Variants in GPA33 observed in about 807,000 individuals in gnomAD.
The protein encoded by GPA33 is cell surface A33 antigen.
Under a neutral mutation model 35.6 loss-of-function variants are expected in GPA33, and 27 were observed. That is an observed-to-expected ratio of 0.76 (90% CI 0.56 to 1.04). The LOEUF is 1.04. Ranked by LOEUF, GPA33 falls within the 50% of genes least tolerant of loss-of-function variation. The pLI, the probability that GPA33 is intolerant of heterozygous loss-of-function variation, is 0.00. For synonymous variants in GPA33, 176 were observed against 164.0 expected, an observed-to-expected ratio of 1.07 and a Z score of -0.56; for missense variants, 428 against 411.9, an observed-to-expected ratio of 1.04 and a Z score of -0.34.
intron 4 of GPA33, among the ~76,000 whole-genome samples, 181 bp downstream of exon 4, chr1:167,063,401 C>G (rs1444166751): frequency 1.3e-5 from 2 of 152,204 alleles, no homozygotes; most frequent in African/African-American, 4.8e-5. Context: ...CCTGGCGAGA[C>G]TCTGTCTAAA....
At chr1:167,067,796 GA>G (rs1265807334) in intron 3 of GPA33, among the ~76,000 whole-genome samples, 1 of 151,922 alleles carries the variant, frequency 6.6e-6, no homozygotes, top group African/African-American at 2.4e-5. Context: ...AGGTTAGAAA[GA>G]AAAAACGCAG....
At chr1:167,083,849 T>C (rs1387146064) in intron 1 of GPA33, among the ~76,000 whole-genome samples, 3 of 152,110 alleles carry the variant, frequency 2.0e-5, no homozygotes, top group Non-Finnish European at 2.9e-5. Flanking sequence ...GGAGGTTTCT[T>C]GGGGGTGTAT....
chr1:167,089,228 G>T (rs1461396254), intron 1 of GPA33, among the ~76,000 whole-genome samples: 1 of 152,198 alleles, frequency 6.6e-6, no homozygotes, highest in African/African-American at 2.4e-5. Context: ...GGGCCTGGGA[G>T]AACCAGAATG....
chr1:167,082,769 G>T (rs146103642), intron 1 of GPA33, among the ~76,000 whole-genome samples: 2 of 152,282 alleles, frequency 1.3e-5, no homozygotes, highest in East Asian at 3.9e-4. Flanking sequence ...ACTTTGTGAC[G>T]GCCCTAATGG....
At chr1:167,062,124 C>A (rs1343041830) in intron 4 of GPA33, among the ~76,000 whole-genome samples, 2 of 152,056 alleles carry the variant, frequency 1.3e-5, no homozygotes, top group African/African-American at 2.4e-5. Context: ...GAAGCTAAAT[C>A]GGATGGACAC....
At chr1:167,068,797 C>T (rs71630372) in intron 3 of GPA33, 125 bp downstream of exon 3, 106 of 659,700 alleles carry the variant, frequency 1.6e-4, no homozygotes, top group African/African-American at 4.3e-4. Context: ...ACAGCCTGGA[C>T]GAGGTGAGGA....
Position 167,063,648 on chromosome 1 carries a change from G to A in GPA33, c.505C>T (p.Pro169Ser). The part of the protein sequence containing the change: ...QLTCQSKEGS[P>S]TPQYSWKRYN... The stretch of plus-strand genomic sequence containing the variant: ...CTCTTCCAGCTGTACTGAGGGGTTG[G>A]TGAGCCCTCCTTTGATTGGCAGGTC... Residue 169 changes from proline to serine, a missense_variant, in exon 4 of 7, where the codon CCA (proline) becomes TCA (serine). Coordinates refer to ENST00000367868, the MANE Select transcript of GPA33 (RefSeq NM_005814.3). 6.2e-7 allele frequency: 1 copy of A among 1,613,648 alleles called. No homozygotes were observed. The highest frequency in any genetic ancestry group is 8.5e-7 in the Non-Finnish European group (1 of 1,179,846).
At chr1:167,056,827 A>AGTATGTGTG (rs1666307730) in intron 4 of GPA33, among the ~76,000 whole-genome samples, 3 of 9,128 alleles carry the variant, frequency 3.3e-4, no homozygotes, top group African/African-American at 4.6e-4. Context: ...CAGCGTTTGT[A>AGTATGTGTG]GTGTGTGTGG....
At chr1:167,069,788 C>T (rs1247747340) in intron 2 of GPA33, among the ~76,000 whole-genome samples, 1 of 152,188 alleles carries the variant, frequency 6.6e-6, no homozygotes, top group Non-Finnish European at 1.5e-5. Context: ...ACAATAACAC[C>T]TGCCTCTCAG....
chr1:167,058,751 A>G (rs1195493998), intron 4 of GPA33, among the ~76,000 whole-genome samples: 1 of 145,636 alleles, frequency 6.9e-6, no homozygotes, highest in Non-Finnish European at 1.5e-5. Context: ...TCCCTAAAAA[A>G]GCAAGTTTAG....
At chr1:167,055,541 T>C (rs1015708030) in intron 5 of GPA33, among the ~76,000 whole-genome samples, 189 bp downstream of exon 5, 2 of 152,098 alleles carry the variant, frequency 1.3e-5, no homozygotes, top group African/African-American at 4.8e-5. Context: ...CCAGTGGAAC[T>C]GGACTGGCCT....
Position 167,054,968 on chromosome 1 carries a change from A to T in GPA33, c.827+8T>A. On this transcript the variant is annotated splice_region_variant and intron_variant, in intron 6 of 6. Transcript: ENST00000367868. Reference sequence around the variant, plus strand: ...CCCTTCCAACAGGCTACCAGCCCAGACACTCACGGCCTTGCATCCTCCTTG... The same window carrying T: ...CCCTTCCAACAGGCTACCAGCCCAGTCACTCACGGCCTTGCATCCTCCTTG... 1 of 1,614,002 alleles carries T rather than the reference A, an allele frequency of 6.2e-7. No homozygotes were observed. Among genetic ancestry groups the T allele is most frequent in the Non-Finnish European group, 8.5e-7 (1 of 1,180,000 alleles).
intron 3 of GPA33, 51 bp downstream of exon 3, chr1:167,068,871 C>T: frequency 2.1e-6 from 3 of 1,438,284 alleles, no homozygotes; most frequent in Non-Finnish European, 2.9e-6. Context: ...CCCTGTGCTG[C>T]CACCTGCCCA....
chr1:167,082,207 A>G (rs1206927815), intron 1 of GPA33: 1 of 454,704 alleles, frequency 2.2e-6, no homozygotes, highest in Admixed American at 2.4e-5. Flanking sequence ...ATATTTCTAG[A>G]AGAAAATACA....
chr1:167,069,852 T>C lies in GPA33; in HGVS notation c.199-714A>G, dbSNP rs1372663746. ...TACACAAAGCAGTTAGGGCATTATG[T>C]GACATGTTAAGTTTCTAGAAGTGCT... is the stretch of plus-strand genomic sequence containing the variant. On this transcript the variant is annotated intron_variant, in intron 2 of 6. Coordinates refer to ENST00000367868, the MANE Select transcript of GPA33 (RefSeq NM_005814.3). 2.6e-5 allele frequency among the ~76,000 whole-genome samples: 4 copies of C among 152,358 alleles called. 1 individual carries two copies. In the South Asian group the frequency reaches 6.2e-4, roughly 24 times the overall value.
chr1:167,072,522 C>T (rs1342218961), intron 2 of GPA33, among the ~76,000 whole-genome samples: 1 of 152,076 alleles, frequency 6.6e-6, no homozygotes, highest in African/African-American at 2.4e-5. Context: ...CCCTTTTTCA[C>T]ATGACCCAGA....
intron 1 of GPA33, among the ~76,000 whole-genome samples, chr1:167,088,355 G>A (rs1360525677): frequency 6.6e-6 from 1 of 152,212 alleles, no homozygotes; most frequent in Non-Finnish European, 1.5e-5. Flanking sequence ...CAGTGGCAAT[G>A]GCTATTTCAC....
chr1:167,073,678 T>C (rs1416546850), intron 1 of GPA33, 139 bp from the exon 2 acceptor site: 1 of 706,680 alleles, frequency 1.4e-6, no homozygotes, highest in Non-Finnish European at 2.3e-6. Context: ...CTTGGCCACC[T>C]TGGCCCTGGC....
At chr1:167,082,121 G>A (rs1183840761) in intron 1 of GPA33, 1 of 393,246 alleles carries the variant, frequency 2.5e-6, no homozygotes, top group Non-Finnish European at 5.0e-6. Flanking sequence ...ATATATAAGG[G>A]AATAAAGCAG....
Sources: gnomAD v4.1 joint callset for allele counts (sites outside exome capture counted in the v4.1 genomes callset) on GRCh38, gnomAD v4.1.1 for gene constraint, MANE v1.5 for transcripts, NCBI Gene and HGNC (gene_info 2026-07-23, HGNC 2026-07-21) for gene names.